Variants in ADAM10 observed in about 807,000 individuals in gnomAD.
ADAM10 encodes ADAM metallopeptidase domain 10, also known as disintegrin and metalloproteinase domain-containing protein 10.
In ADAM10, 17 loss-of-function variants were observed where a neutral mutation model predicts 90.1. The observed-to-expected ratio is 0.19, with a 90% CI of 0.13 to 0.28. ADAM10 has a LOEUF of 0.28. ADAM10 is among the 10% of genes least tolerant of loss of function. The pLI, the probability that ADAM10 is intolerant of heterozygous loss-of-function variation, is 1.00. For synonymous variants in ADAM10, 310 were observed against 298.6 expected (o/e 1.04, Z -0.40); for missense variants, 610 against 914.3 (o/e 0.67, Z 4.29).
At chr15:58,726,211 A>G (rs1899021447) in intron 1 of ADAM10, among the ~76,000 whole-genome samples, 1 of 152,238 alleles carries the variant, frequency 6.6e-6, no homozygotes, top group Non-Finnish European at 1.5e-5. Flanking sequence ...GAAAGTATAC[A>G]GTGATAAGTT....
At chr15:58,653,125 A>G (rs1273184355) in intron 5 of ADAM10, among the ~76,000 whole-genome samples, 2 of 152,122 alleles carry the variant, frequency 1.3e-5, no homozygotes, top group Non-Finnish European at 1.5e-5. Flanking sequence ...GGTGGAGTCT[A>G]TGGGTTTTTC....
intron 1 of ADAM10, among the ~76,000 whole-genome samples, chr15:58,734,965 T>C (rs1899380428): frequency 6.6e-6 from 1 of 152,168 alleles, no homozygotes; most frequent in African/African-American, 2.4e-5. Context: ...ACTACCTCAG[T>C]CAGACATCAC....
chr15:58,628,012 C>T (rs1165880277), intron 9 of ADAM10, 129 bp from the exon 10 acceptor site: 1 of 937,126 alleles, frequency 1.1e-6, no homozygotes, highest in Non-Finnish European at 1.6e-6. Flanking sequence ...AAGGATCTTA[C>T]AATTGTTTTA....
Position 58,621,607 on chromosome 15 carries a change from T to C in ADAM10, c.1375A>G (p.Ile459Val), listed in dbSNP as rs144224335. 1.2e-6 allele frequency: 2 copies of C among 1,613,902 alleles called. No individual in the cohort carries two copies. Among genetic ancestry groups the C allele is most frequent in the African/African-American group, 1.3e-5 (1 of 74,912 alleles). Residue 459 changes from isoleucine to valine, a missense_variant, in exon 11 of 16, where the codon ATT (isoleucine) becomes GTT (valine). Physicochemically the swap from Ile to Val is conservative, Grantham distance 29. Coordinates refer to ENST00000260408, the MANE Select transcript of ADAM10 (RefSeq NM_001110.4). ...TGTTCTACCATTCCATTTCCACAAA[T>C]AGGTTGGCCAGATTCTGAGGAAAAT... ...NNCFVESGQP[I>V]CGNGMVEQGE...
chr15:58,626,971 A>T (rs1361757884), intron 10 of ADAM10, among the ~76,000 whole-genome samples: 1 of 152,188 alleles, frequency 6.6e-6, no homozygotes, highest in Non-Finnish European at 1.5e-5. Flanking sequence ...GGCACACTTT[A>T]TGCTATATAT....
At chr15:58,614,984 A>C (rs1450073744) in intron 11 of ADAM10, among the ~76,000 whole-genome samples, 1 of 152,118 alleles carries the variant, frequency 6.6e-6, no homozygotes, top group Non-Finnish European at 1.5e-5. Context: ...AACAAAACAA[A>C]ACAAAAACAG....
chr15:58,737,816 G>A (rs943409164), intron 1 of ADAM10, among the ~76,000 whole-genome samples: 12 of 151,882 alleles, frequency 7.9e-5, no homozygotes, highest in Non-Finnish European at 1.2e-4. Flanking sequence ...AAAGAATTGT[G>A]CAAAAAAATA....
chr15:58,738,289 C>T (rs188440523), intron 1 of ADAM10, among the ~76,000 whole-genome samples: 30 of 152,304 alleles, frequency 2.0e-4, no homozygotes, highest in Admixed American at 7.8e-4. Context: ...TACATATTCA[C>T]TCAGATCTTC....
intron 1 of ADAM10, among the ~76,000 whole-genome samples, chr15:58,726,877 A>AAGGGGAGGGGAGAGGGGGGGAGGGG (rs1899048565): frequency 7.0e-6 from 1 of 142,126 alleles, no homozygotes. Flanking sequence ...TCCATCTCCG[A>AAGGGGAGGGGAGAGGGGGGGAGGGG]AGGGGAGGGG....
chr15:58,617,956 C>T (rs1028683186), intron 11 of ADAM10, among the ~76,000 whole-genome samples: 3 of 147,454 alleles, frequency 2.0e-5, no homozygotes, highest in South Asian at 2.1e-4. Flanking sequence ...ACTGTGAAAA[C>T]GGCCATACTA....
intron 6 of ADAM10, 97 bp downstream of exon 6, chr15:58,645,958 C>T: frequency 2.2e-6 from 3 of 1,345,754 alleles, no homozygotes; most frequent in East Asian, 4.7e-5. Context: ...CATACTTTTT[C>T]CCAAAAAGAG....
rs780219725 is a variant in ADAM10, at chr15:58,688,766, T to TTATATATATATATA, written c.207-6466_207-6453dup. On this transcript the variant is annotated intron_variant, in intron 2 of 15. Transcript: ENST00000260408. ...ATAATTTCTAAAATGAAAAAAAAAATTATATATATATATATATATATCTCT... is the reference window on the plus strand; with the variant it reads ...ATAATTTCTAAAATGAAAAAAAAAATTATATATATATATATATATATATATATATATATATCTCT... 1.4e-3 allele frequency among the ~76,000 whole-genome samples: 170 copies of TTATATATATATATA among 121,808 alleles called. 1 individual carries two copies. Among genetic ancestry groups the TTATATATATATATA allele is most frequent in the East Asian group, 7.2e-3 (28 of 3,880 alleles). 79.9% of individuals were successfully genotyped at this position (121,808 alleles called of 152,430 possible). A position where few individuals can be genotyped will look rare whatever the true frequency, so the allele number is the denominator to read the frequency against.
chr15:58,656,451 T>C (rs1420671298), intron 5 of ADAM10, among the ~76,000 whole-genome samples: 1 of 152,146 alleles, frequency 6.6e-6, no homozygotes, highest in Non-Finnish European at 1.5e-5. Flanking sequence ...TATGATTTAA[T>C]TTCTTGCTTT....
intron 11 of ADAM10, among the ~76,000 whole-genome samples, chr15:58,613,566 A>G (rs1895513729): frequency 6.6e-6 from 1 of 152,186 alleles, no homozygotes; most frequent in East Asian, 1.9e-4. Context: ...TAGGAAAACA[A>G]TTCATATGAA....
intron 2 of ADAM10, among the ~76,000 whole-genome samples, chr15:58,705,891 A>G (rs571249363): frequency 1.3e-4 from 20 of 152,134 alleles, no homozygotes; most frequent in Non-Finnish European, 2.4e-4. Flanking sequence ...CTCTTTTGTT[A>G]TTTGTTATTG....
At chr15:58,656,122 A>C (rs1896823246) in intron 5 of ADAM10, among the ~76,000 whole-genome samples, 1 of 152,158 alleles carries the variant, frequency 6.6e-6, no homozygotes, top group Non-Finnish European at 1.5e-5. Flanking sequence ...TGATACAAGT[A>C]TAGCTACTCC....
At chr15:58,679,021 G>T in intron 4 of ADAM10, 103 bp downstream of exon 4, 1 of 1,144,926 alleles carries the variant, frequency 8.7e-7, no homozygotes, top group Non-Finnish European at 1.3e-6. Context: ...AGCCTGATTA[G>T]TAACTCAGGA....
At chr15:58,686,369 C>T (rs1897601898) in intron 2 of ADAM10, 1 of 809,388 alleles carries the variant, frequency 1.2e-6, no homozygotes, top group Non-Finnish European at 2.0e-6. Context: ...CCTAATAAAG[C>T]TTAAAAACAA....
At chr15:58,609,715 A>G (rs1895384798) in intron 14 of ADAM10, 1 of 154,892 alleles carries the variant, frequency 6.5e-6, no homozygotes, top group Admixed American at 6.3e-5. Context: ...AATCTTGACA[A>G]TCTTTTAAGA....
Sources: allele counts gnomAD v4.1 joint callset (sites outside exome capture counted in the v4.1 genomes callset), GRCh38; gene constraint gnomAD v4.1.1; transcripts MANE v1.5; gene names NCBI Gene and HGNC (gene_info 2026-07-23, HGNC 2026-07-21).